Variants in PINK1 observed in about 807,000 individuals in gnomAD.
The protein encoded by PINK1 is PTEN induced kinase 1, also known as serine/threonine-protein kinase PINK1, mitochondrial.
PINK1 carries 58 observed loss-of-function variants against 56.0 expected under a neutral mutation model. That is an observed-to-expected ratio of 1.04 (90% CI 0.84 to 1.29). The LOEUF (loss-of-function observed/expected upper bound fraction) is 1.29, where lower values mean the gene tolerates loss of function less well. Ranked by LOEUF, PINK1 falls within the 50% of genes most tolerant of loss-of-function variation. The probability of loss-of-function intolerance (pLI) is 0.00; values close to 1 mark genes in which losing one functional copy is unlikely to be tolerated. For synonymous variants in PINK1, 354 were observed against 339.3 expected (o/e 1.04, Z -0.48); for missense variants, 745 against 777.9 (o/e 0.96, Z 0.50).
chr1:20,649,964 G>A (rs2053244524), intron 7 of PINK1: 2 of 237,800 alleles, frequency 8.4e-6, no homozygotes. Context: ...GCCATAATTG[G>A]AGTGGCAGCT....
intron 3 of PINK1, among the ~76,000 whole-genome samples, chr1:20,640,816 T>C (rs929806066): frequency 6.6e-6 from 1 of 152,176 alleles, no homozygotes; most frequent in African/African-American, 2.4e-5. Flanking sequence ...GGTAGGCAGA[T>C]CACTTGAGCC....
In PINK1 at chr1:20,645,881, G is replaced by A. The variant is rs760479442; in HGVS notation, c.1123+158G>A. 7.2e-5 allele frequency among the ~76,000 whole-genome samples: 8 copies of A among 111,428 alleles called. No individual in the cohort carries two copies. In the East Asian group the frequency reaches 7.8e-4, roughly 11 times the overall value. The allele number at this position is 111,428 out of a possible 152,430, so 73.1% of individuals were successfully genotyped here. On this transcript the variant is annotated intron_variant, in intron 5 of 7. Coordinates refer to ENST00000321556, the MANE Select transcript of PINK1 (RefSeq NM_032409.3). ...AGGTTAGCAATCTCTCCCTTAGAAC[G>A]GGGTTTTTTTTTCTCTCTTTGCAGA...
chr1:20,634,007 GGGCGGGGCTAGGTGTGGA>G lies in PINK1; in HGVS notation c.387+82_387+99del, dbSNP rs372834836. ...CGGGGGCGGGTCCTCAGCTGGGTGGGGGCGGGGCTAGGTGTGGAGGCGGGGCTCTGAGCAGATCGAGGG... is the reference window on the plus strand; with the variant it reads ...CGGGGGCGGGTCCTCAGCTGGGTGGGGGCGGGGCTCTGAGCAGATCGAGGG... On this transcript the variant is annotated intron_variant, in intron 1 of 7. Transcript: ENST00000321556. The G allele has an allele frequency of 1.4e-3, 2,169 of 1,500,398 alleles. 30 individuals are homozygous for G. The African/African-American group carries it at 0.026, about 18-fold the overall frequency. 92.9% of individuals were successfully genotyped at this position (1,500,398 alleles called of 1,614,324 possible).
Position 20,639,922 on chromosome 1 carries a change from A to G in PINK1, c.706A>G (p.Thr236Ala), listed in dbSNP as rs1202852211. The change falls in exon 3 of 8, where the codon ACA (threonine) becomes GCA (alanine). Residue 236 changes from threonine to alanine, a missense_variant. Coordinates refer to ENST00000321556, the MANE Select transcript of PINK1 (RefSeq NM_032409.3). ...TTCCTCCAGCGAAGCCATCTTGAAC[A>G]CAATGAGCCAGGAGCTGGTCCCAGC... ...AGSSSEAILN[T>A]MSQELVPASR... The G allele has an allele frequency of 1.2e-6, 2 of 1,613,298 alleles. No individual in the cohort carries two copies. Among genetic ancestry groups the G allele is most frequent in the Non-Finnish European group, 1.7e-6 (2 of 1,179,740 alleles).
intron 7 of PINK1, chr1:20,650,110 A>G: frequency 2.4e-6 from 1 of 409,296 alleles, no homozygotes; most frequent in Admixed American, 3.6e-5. Context: ...AGCTGCAACC[A>G]GTTATGAAAT....
Position 20,644,634 on chromosome 1 carries a change from C to T in PINK1, c.921C>T (p.Gly307=), listed in dbSNP as rs200191396. Residue 307 remains glycine (G), a synonymous_variant, in exon 4 of 8, where the codon GGC becomes GGT. Coordinates refer to ENST00000321556, the MANE Select transcript of PINK1 (RefSeq NM_032409.3). ...DVLPSRLHPE[G]LGHGRTLFLV... is the part of the protein sequence containing the mutation. ...TGCCCTCACGCCTCCACCCTGAAGG[C>T]CTGGGCCATGGCCGGACGCTGTTCC... 3 of 1,614,232 alleles carry T rather than the reference C, an allele frequency of 1.9e-6. No homozygotes were observed. The highest frequency in any genetic ancestry group is 2.2e-5 in the East Asian group (1 of 44,882).
chr1:20,648,770 C>A, intron 6 of PINK1, 138 bp downstream of exon 6: 1 of 1,460,870 alleles, frequency 6.8e-7, no homozygotes, highest in Non-Finnish European at 9.3e-7. Context: ...CCTTCCCTGC[C>A]ACTTTGCTTT....
rs2053033630 is a variant in PINK1, at chr1:20,634,384, C to G, written c.387+449C>G. Reference sequence around the variant, plus strand: ...GAGCCAGGCTGCCTCCGCCGTTTAACCAAAGGATTAGTAGTGACAGAGCTG... The same window carrying G: ...GAGCCAGGCTGCCTCCGCCGTTTAAGCAAAGGATTAGTAGTGACAGAGCTG... On this transcript the variant is annotated intron_variant, in intron 1 of 7. Coordinates refer to ENST00000321556, the MANE Select transcript of PINK1 (RefSeq NM_032409.3). Among the ~76,000 whole-genome samples the G allele has an allele frequency of 2.0e-5, 3 of 152,268 alleles. No homozygotes were observed. The South Asian group carries it at 6.2e-4, about 32-fold the overall frequency.
At chr1:20,637,819 G>C in intron 1 of PINK1, 23 bp from the exon 2 acceptor site, 3 of 1,613,132 alleles carry the variant, frequency 1.9e-6, no homozygotes, top group Non-Finnish European at 2.5e-6. Context: ...CCTGGCTCAC[G>C]GTGCATTCTT....
rs751285795 is a variant in PINK1, at chr1:20,649,241, TC to T, written c.1488+14del. The T allele has an allele frequency of 3.5e-5, 56 of 1,613,580 alleles. No homozygotes were observed. The highest frequency in any genetic ancestry group is 4.6e-5 in the Non-Finnish European group (54 of 1,179,598). On this transcript the variant is annotated intron_variant, in intron 7 of 7. Coordinates refer to ENST00000321556, the MANE Select transcript of PINK1 (RefSeq NM_032409.3). ...GCGAGAGGCCAGCAAGGTGAGGCTGTCCCCGGCTTCGAGGGGACGGTGTGGG... is the reference window on the plus strand; with the variant it reads ...GCGAGAGGCCAGCAAGGTGAGGCTGTCCCGGCTTCGAGGGGACGGTGTGGG...
At chr1:20,640,523 GA>G (rs2154533722) in intron 3 of PINK1, among the ~76,000 whole-genome samples, 1 of 152,306 alleles carries the variant, frequency 6.6e-6, no homozygotes, top group South Asian at 2.1e-4. Context: ...TGCTGCAGAG[GA>G]GGGGCTGCTC....
At position 20,633,943 on chromosome 1, in the gene PINK1, G is replaced by A. The variant is rs1417053718; in HGVS notation, c.387+8G>A. 3.8e-6 allele frequency: 6 copies of A among 1,582,604 alleles called. No individual in the cohort carries two copies. Among genetic ancestry groups the A allele is most frequent in the East Asian group, 2.3e-5 (1 of 43,232 alleles). On this transcript the variant is annotated splice_region_variant and intron_variant, in intron 1 of 7. Coordinates refer to ENST00000321556, the MANE Select transcript of PINK1 (RefSeq NM_032409.3). ...GCCTGTCAGGAGATCCAGGTGAGCG[G>A]GGCCGGGTCCTAAGCCGAGCGGAGG...
chr1:20,651,158 T>G lies in PINK1; in HGVS notation c.*467T>G, dbSNP rs1557569022. On this transcript the variant is annotated 3_prime_UTR_variant, in exon 8 of 8. Coordinates refer to ENST00000321556, the MANE Select transcript of PINK1 (RefSeq NM_032409.3). ...GGCCTGGGCCTCTGCGTTCCCAAGC[T>G]GTGCGTTCTGGACCAGCTACTGAAT... 4.6e-6 allele frequency: 1 copy of G among 215,796 alleles called. No individual in the cohort carries two copies. Among genetic ancestry groups the G allele is most frequent in the Non-Finnish European group, 9.5e-6 (1 of 105,344 alleles). 13.4% of individuals were successfully genotyped at this position (215,796 alleles called of 1,614,324 possible).
chr1:20,647,101 G>A (rs899638975), intron 5 of PINK1, among the ~76,000 whole-genome samples: 5 of 137,754 alleles, frequency 3.6e-5, no homozygotes, highest in African/African-American at 1.1e-4. Flanking sequence ...CTGTCACCCA[G>A]GCTGGAGTGC....
At chr1:20,635,804 G>A (rs1157544437) in intron 1 of PINK1, among the ~76,000 whole-genome samples, 3 of 149,912 alleles carry the variant, frequency 2.0e-5, no homozygotes, top group African/African-American at 7.4e-5. Flanking sequence ...AGCCAAGATC[G>A]CGCCACTGCA....
intron 7 of PINK1, chr1:20,649,866 A>T: frequency 5.5e-6 from 1 of 181,828 alleles, no homozygotes; most frequent in Non-Finnish European, 1.2e-5. Context: ...CTGAGAACTG[A>T]TCAGAGAGAG....
intron 1 of PINK1, among the ~76,000 whole-genome samples, chr1:20,637,523 C>G (rs2053068433): frequency 2.6e-5 from 4 of 152,206 alleles, no homozygotes; most frequent in Admixed American, 2.6e-4. Flanking sequence ...TCAGACACCT[C>G]CAGAACTCTG....
chr1:20,645,957 C>T (rs1050712760), intron 5 of PINK1, among the ~76,000 whole-genome samples: 1 of 152,028 alleles, frequency 6.6e-6, no homozygotes, highest in Non-Finnish European at 1.5e-5. Context: ...AGAACAAGGA[C>T]CTCAGTGCTG....
intron 4 of PINK1, chr1:20,645,358 G>A (rs981940191): frequency 1.2e-4 from 73 of 625,128 alleles, no homozygotes; most frequent in Admixed American, 2.7e-5. Context: ...GTGTGGTGGC[G>A]GGCACCTATA....
Sources: allele counts gnomAD v4.1 joint callset (sites outside exome capture counted in the v4.1 genomes callset), GRCh38; gene constraint gnomAD v4.1.1; transcripts MANE v1.5; gene names NCBI Gene and HGNC (gene_info 2026-07-23, HGNC 2026-07-21).